Variants in UBE2E3 observed in about 807,000 individuals in gnomAD.
UBE2E3 encodes the protein ubiquitin-conjugating enzyme E2 E3.
Under a neutral mutation model 23.6 loss-of-function variants are expected in UBE2E3, and 5 were observed. The ratio of observed to expected loss-of-function variants is 0.21; its 90% CI spans 0.11 to 0.44. UBE2E3 has a LOEUF of 0.44. Ranked by LOEUF, UBE2E3 falls within the 20% of genes least tolerant of loss-of-function variation. UBE2E3 has a pLI of 0.99. For missense variants in UBE2E3, 81 were observed against 249.8 expected, an observed-to-expected ratio of 0.32 and a Z score of 4.55; for synonymous variants, 78 against 87.5, an observed-to-expected ratio of 0.89 and a Z score of 0.60.
chr2:181,021,364 T>G (rs947767467), intron 3 of UBE2E3, among the ~76,000 whole-genome samples: 23 of 140,210 alleles, frequency 1.6e-4, no homozygotes, highest in African/African-American at 6.0e-4. Flanking sequence ...CTTCTTTTTT[T>G]TTTGTTTTCT....
At chr2:181,044,057 C>T (rs535859075) in intron 3 of UBE2E3, among the ~76,000 whole-genome samples, 1 of 152,114 alleles carries the variant, frequency 6.6e-6, no homozygotes, top group Non-Finnish European at 1.5e-5. Flanking sequence ...TCAAATGACT[C>T]TTGATACATG....
intron 3 of UBE2E3, among the ~76,000 whole-genome samples, chr2:181,021,753 T>C (rs1685710633): frequency 6.6e-6 from 1 of 151,240 alleles, no homozygotes; most frequent in African/African-American, 2.4e-5. Context: ...ATTTAGCAGT[T>C]TTTGACCAGT....
intron 3 of UBE2E3, among the ~76,000 whole-genome samples, chr2:181,047,630 T>G (rs1012880392): frequency 1.3e-5 from 2 of 152,118 alleles, no homozygotes; most frequent in African/African-American, 4.8e-5. Context: ...GGTTGATTTT[T>G]GTTTTGTTTT....
Position 181,060,784 on chromosome 2 carries a change from T to C in UBE2E3, c.498T>C (p.Ile166=), listed in dbSNP as rs1687126676. Residue 166 remains isoleucine, a synonymous_variant, in exon 5 of 6, where the codon ATT becomes ATC. Transcript: ENST00000410062. ...CTATTTCAAAGGTTTTGCTGTCTAT[T>C]TGTTCCCTTTTGACAGACTGCAACC... is the stretch of plus-strand genomic sequence containing the variant. ...ALTISKVLLS[I]CSLLTDCNPA... The C allele has an allele frequency of 6.2e-7, 1 of 1,610,408 alleles. No individual in the cohort carries two copies. The highest frequency in any genetic ancestry group is 8.5e-7 in the Non-Finnish European group (1 of 1,178,082).
chr2:181,029,073 A>G (rs765760267), intron 3 of UBE2E3, among the ~76,000 whole-genome samples: 1 of 152,082 alleles, frequency 6.6e-6, no homozygotes, highest in Non-Finnish European at 1.5e-5. Flanking sequence ...TATTTGTTTT[A>G]GTAACTTTAT....
chr2:181,043,165 T>C (rs1359586344), intron 3 of UBE2E3, among the ~76,000 whole-genome samples: 4 of 152,248 alleles, frequency 2.6e-5, no homozygotes, highest in Non-Finnish European at 5.9e-5. Flanking sequence ...GTGAAACTTT[T>C]TGAGTTCCAA....
intron 3 of UBE2E3, among the ~76,000 whole-genome samples, chr2:181,016,538 A>G (rs551832563): frequency 2.6e-5 from 4 of 152,272 alleles, no homozygotes; most frequent in African/African-American, 9.6e-5. Context: ...TGTCAGACTC[A>G]TTTTACAGTT....
intron 3 of UBE2E3, among the ~76,000 whole-genome samples, chr2:181,032,525 A>G (rs1686116262): frequency 6.6e-6 from 1 of 152,138 alleles, no homozygotes; most frequent in African/African-American, 2.4e-5. Flanking sequence ...CAATATCTTT[A>G]TATCTTAGGA....
intron 3 of UBE2E3, among the ~76,000 whole-genome samples, chr2:180,999,319 A>G (rs145386292): frequency 6.6e-6 from 1 of 152,342 alleles, no homozygotes; most frequent in East Asian, 1.9e-4. Context: ...AGCATTTGGT[A>G]TAGTTTATCT....
In UBE2E3 at chr2:181,058,193, T is replaced by G. The variant is rs138254147; in HGVS notation, c.378+368T>G. ...GTATTAGGATAAAAAGTAAAACTGT[T>G]TGACAGCTTCCAGAAATAAGGGTTT... On this transcript the variant is annotated intron_variant, in intron 4 of 5. Coordinates refer to ENST00000410062, the MANE Select transcript of UBE2E3 (RefSeq NM_006357.4). 6.3e-3 allele frequency among the ~76,000 whole-genome samples: 956 copies of G among 151,820 alleles called. 14 individuals are homozygous for G. The highest frequency in any genetic ancestry group is 0.021 in the African/African-American group (889 of 41,466).
intron 3 of UBE2E3, among the ~76,000 whole-genome samples, chr2:180,990,664 G>A (rs932490040): frequency 2.0e-5 from 3 of 152,108 alleles, no homozygotes; most frequent in African/African-American, 7.2e-5. Flanking sequence ...TTTAGGTCTT[G>A]TGCCAGTTAA....
chr2:181,038,522 G>C (rs1028573826), intron 3 of UBE2E3, among the ~76,000 whole-genome samples: 1 of 152,144 alleles, frequency 6.6e-6, no homozygotes, highest in Non-Finnish European at 1.5e-5. Context: ...ATAACTTCTA[G>C]AATATAATGT....
intron 3 of UBE2E3, among the ~76,000 whole-genome samples, chr2:181,040,443 A>G (rs1245467457): frequency 1.3e-5 from 2 of 152,210 alleles, no homozygotes; most frequent in Non-Finnish European, 2.9e-5. Flanking sequence ...ATTTTTTTAT[A>G]AAGAATCAAT....
At position 180,982,160 on chromosome 2, in the gene UBE2E3, CCTT is replaced by C. The variant is rs1488771682; in HGVS notation, c.121_123del (p.Ser41del). On this transcript the variant is annotated inframe_deletion, in exon 2 of 6. Coordinates refer to ENST00000410062, the MANE Select transcript of UBE2E3 (RefSeq NM_006357.4). The stretch of plus-strand genomic sequence containing the variant: ...GCCTGAAGAACAAGAGGAAAGAAAA[CCTT>C]CTGCCACCCAGCAGAAGAAAAACAC... 2.5e-6 allele frequency: 4 copies of C among 1,612,824 alleles called. No homozygotes were observed. Among genetic ancestry groups the C allele is most frequent in the Middle Eastern group, 1.6e-4 (1 of 6,078 alleles).
At position 180,994,929 on chromosome 2, in the gene UBE2E3, A is replaced by G. The variant is rs145350982; in HGVS notation, c.245+10836A>G. Among the ~76,000 whole-genome samples the G allele has an allele frequency of 3.2e-4, 48 of 152,324 alleles. No individual in the cohort carries two copies. In the East Asian group the frequency reaches 9.2e-3, roughly 29 times the overall value. On this transcript the variant is annotated intron_variant, in intron 3 of 5. Transcript: ENST00000410062. The stretch of plus-strand genomic sequence containing the variant: ...ACACATGGTGCCATTTGGAGTCAAG[A>G]GAATCGTTAATGTAAATATTAAATC...
chr2:181,026,635 A>G (rs1685895381), intron 3 of UBE2E3, among the ~76,000 whole-genome samples: 1 of 151,806 alleles, frequency 6.6e-6, no homozygotes, highest in Non-Finnish European at 1.5e-5. Flanking sequence ...AGTTTCACTA[A>G]TGCCATTAAT....
At chr2:181,009,175 C>T (rs1365855241) in intron 3 of UBE2E3, among the ~76,000 whole-genome samples, 1 of 152,052 alleles carries the variant, frequency 6.6e-6, no homozygotes, top group Non-Finnish European at 1.5e-5. Context: ...AGATTTTCTT[C>T]CTTAGTAATT....
intron 3 of UBE2E3, among the ~76,000 whole-genome samples, chr2:181,006,652 T>G (rs1170588929): frequency 6.6e-6 from 1 of 151,284 alleles, no homozygotes; most frequent in African/African-American, 2.4e-5. Flanking sequence ...GATTTTGAGA[T>G]AATTATAGAT....
At chr2:181,048,207 G>A (rs746417803) in intron 3 of UBE2E3, among the ~76,000 whole-genome samples, 7 of 151,988 alleles carry the variant, frequency 4.6e-5, no homozygotes, top group African/African-American at 9.7e-5. Context: ...CCTTTGTAGC[G>A]TTTTCTGTTT....
Sources: allele counts gnomAD v4.1 joint callset (sites outside exome capture counted in the v4.1 genomes callset), GRCh38; gene constraint gnomAD v4.1.1; transcripts MANE v1.5; gene names NCBI Gene and HGNC (gene_info 2026-07-23, HGNC 2026-07-21).